Variants in PTPRE observed in about 807,000 individuals in gnomAD.
PTPRE encodes the protein receptor-type tyrosine-protein phosphatase epsilon.
A neutral mutation model predicts 102.0 loss-of-function variants in PTPRE; 51 were observed. That is an observed-to-expected ratio of 0.50 (90% confidence interval 0.40 to 0.63). The LOEUF (loss-of-function observed/expected upper bound fraction) is 0.63. Among genes scored for constraint, PTPRE ranks in the 30% least tolerant of loss-of-function variants. The probability of loss-of-function intolerance (pLI) is 0.00; values close to 1 mark genes in which losing one functional copy is unlikely to be tolerated. For missense variants in PTPRE, 752 were observed against 915.1 expected (o/e 0.82, Z 2.30); for synonymous variants, 345 against 348.2 (o/e 0.99, Z 0.10).
intron 10 of PTPRE, 116 bp from the exon 11 acceptor site, chr10:128,065,959 G>C: frequency 6.8e-7 from 1 of 1,460,086 alleles, no homozygotes. Flanking sequence ...TTTCTCAGCT[G>C]TGGGAGCTGT....
chr10:128,058,692 T>G (rs1013577548), intron 7 of PTPRE, among the ~76,000 whole-genome samples: 6 of 152,134 alleles, frequency 3.9e-5, no homozygotes, highest in African/African-American at 1.4e-4. Context: ...ATAGTATCAC[T>G]TAGGGTGGGA....
intron 2 of PTPRE, among the ~76,000 whole-genome samples, chr10:128,011,116 C>T (rs1311149022): frequency 6.6e-6 from 1 of 152,120 alleles, no homozygotes; most frequent in African/African-American, 2.4e-5. Context: ...ACATGGCATG[C>T]GGTTTAATGG....
chr10:128,006,909 C>T (rs1854610819), intron 2 of PTPRE, among the ~76,000 whole-genome samples: 1 of 152,172 alleles, frequency 6.6e-6, no homozygotes, highest in East Asian at 1.9e-4. Flanking sequence ...ATACTCTTTG[C>T]TCAAAAACGA....
At chr10:127,941,685 A>C (rs771464967) in intron 1 of PTPRE, among the ~76,000 whole-genome samples, 3 of 152,252 alleles carry the variant, frequency 2.0e-5, no homozygotes, top group Non-Finnish European at 1.5e-5. Flanking sequence ...GATTGATAAA[A>C]GAAATAACCA....
intron 1 of PTPRE, among the ~76,000 whole-genome samples, chr10:127,964,469 C>A (rs1269876177): frequency 1.1e-4 from 17 of 152,186 alleles, no homozygotes; most frequent in African/African-American, 3.9e-4. Flanking sequence ...CCATACCCGG[C>A]CTCCTTTGCT....
intron 1 of PTPRE, among the ~76,000 whole-genome samples, chr10:127,954,153 C>G (rs1022538795): frequency 9.2e-5 from 14 of 152,304 alleles, no homozygotes; most frequent in African/African-American, 3.4e-4. Context: ...CCAGCCACCC[C>G]TGTCATGGAC....
At chr10:128,016,806 C>T (rs553679492) in intron 2 of PTPRE, among the ~76,000 whole-genome samples, 2 of 152,338 alleles carry the variant, frequency 1.3e-5, no homozygotes, top group African/African-American at 2.4e-5. Context: ...ACAGACTCAC[C>T]TTGTTTAGCC....
chr10:128,061,808 T>C (rs1229819409), intron 9 of PTPRE, 93 bp downstream of exon 9: 6 of 1,436,234 alleles, frequency 4.2e-6, no homozygotes, highest in East Asian at 2.4e-5. Flanking sequence ...GGACTTATAC[T>C]GGATTTGTGT....
At chr10:128,016,625 C>A (rs989640656) in intron 2 of PTPRE, among the ~76,000 whole-genome samples, 12 of 151,900 alleles carry the variant, frequency 7.9e-5, no homozygotes, top group African/African-American at 2.9e-4. Flanking sequence ...GGGAACAGCA[C>A]CCAGGTGGCC....
chr10:127,976,196 C>T lies in PTPRE; in HGVS notation c.-30-6078C>T, dbSNP rs115502248. The stretch of plus-strand genomic sequence containing the variant: ...GTATCTGAGAAGTGTCCATGCCCAG[C>T]GCCAAGAGGTGAACAAATTCATAGC... On this transcript the variant is annotated intron_variant, in intron 1 of 20. Transcript: ENST00000254667. Among the ~76,000 whole-genome samples, 739 of 152,262 alleles carry T rather than the reference C, an allele frequency of 4.9e-3. 4 individuals carry two copies. Among genetic ancestry groups the T allele is most frequent in the African/African-American group, 0.017 (699 of 41,540 alleles).
At chr10:127,920,818 G>A (rs1293386502) in intron 1 of PTPRE, among the ~76,000 whole-genome samples, 2 of 152,360 alleles carry the variant, frequency 1.3e-5, no homozygotes, top group East Asian at 3.9e-4. Flanking sequence ...ATGGCCAGAT[G>A]TTGCCACCAA....
chr10:128,045,001 G>A (rs1310895720), intron 3 of PTPRE, among the ~76,000 whole-genome samples: 1 of 152,384 alleles, frequency 6.6e-6, no homozygotes, highest in East Asian at 1.9e-4. Flanking sequence ...GAACTCAGAA[G>A]TAGCCATCCC....
At chr10:128,082,212 T>C (rs1851783958) in intron 20 of PTPRE, among the ~76,000 whole-genome samples, 1 of 137,492 alleles carries the variant, frequency 7.3e-6, no homozygotes, top group African/African-American at 2.7e-5. Flanking sequence ...TTTTTTTTTT[T>C]TTTTTTTTTT....
chr10:128,005,834 G>A (rs1243084326), intron 2 of PTPRE, among the ~76,000 whole-genome samples: 1 of 152,158 alleles, frequency 6.6e-6, no homozygotes, highest in East Asian at 1.9e-4. Context: ...CGGCAGGGCT[G>A]TGCTCCCTTT....
intron 6 of PTPRE, among the ~76,000 whole-genome samples, chr10:128,055,716 A>G (rs921155189): frequency 2.0e-5 from 3 of 152,042 alleles, no homozygotes; most frequent in African/African-American, 4.8e-5. Context: ...AACCCTCCGC[A>G]TGCCTGTCCT....
chr10:127,944,088 C>T lies in PTPRE; in HGVS notation c.-31+36779C>T, dbSNP rs1447858999. Reference sequence around the variant, plus strand: ...TCAGGGATGTGAGTCAGCCAATGGCCAAGCTTTGACTTTCGGCCAGGGTGG... The same window carrying T: ...TCAGGGATGTGAGTCAGCCAATGGCTAAGCTTTGACTTTCGGCCAGGGTGG... On this transcript the variant is annotated intron_variant, in intron 1 of 20. Transcript: ENST00000254667. The surrounding 1 kb of genome is among the most constrained non-coding windows in gnomAD (Gnocchi z 4.2). Among the ~76,000 whole-genome samples the T allele has an allele frequency of 1.3e-5, 2 of 152,160 alleles. No individual in the cohort carries two copies. The highest frequency in any genetic ancestry group is 4.8e-5 in the African/African-American group (2 of 41,434).
chr10:128,078,575 C>T (rs533761843), intron 19 of PTPRE, among the ~76,000 whole-genome samples: 1 of 152,214 alleles, frequency 6.6e-6, no homozygotes, highest in Non-Finnish European at 1.5e-5. Context: ...GGCGCCCACT[C>T]TTTGTGACTG....
chr10:128,067,520 A>C (rs1457781879), intron 11 of PTPRE, among the ~76,000 whole-genome samples: 1 of 152,148 alleles, frequency 6.6e-6, no homozygotes, highest in African/African-American at 2.4e-5. Context: ...ACATGCGCAC[A>C]CATGCACACA....
Position 128,079,633 on chromosome 10 carries a change from T to C in PTPRE, c.1966T>C (p.Leu656=), listed in dbSNP as rs374983935. 6.2e-7 allele frequency: 1 copy of C among 1,614,092 alleles called. No homozygotes were observed. The highest frequency in any genetic ancestry group is 8.5e-7 in the Non-Finnish European group (1 of 1,179,946). ...GGAGCGAGTAAAAGCCGAGGGACTT[T>C]TAGATGTATTTCAAGCTGTGAAGAG... ...ILERVKAEGL[L]DVFQAVKSLR... Residue 656 remains leucine, a synonymous_variant, in exon 20 of 21, where the codon TTA becomes CTA. Coordinates refer to ENST00000254667, the MANE Select transcript of PTPRE (RefSeq NM_006504.6).
Sources: gnomAD v4.1 joint callset for allele counts (sites outside exome capture counted in the v4.1 genomes callset) on GRCh38, gnomAD v4.1.1 for gene constraint, Gnocchi (gnomAD v3.1) non-coding constraint, MANE v1.5 for transcripts, NCBI Gene and HGNC (gene_info 2026-07-23, HGNC 2026-07-21) for gene names.